Variants in CCDC51 observed in about 807,000 individuals in gnomAD.
The protein encoded by CCDC51 is coiled-coil domain containing 51, also known as mitochondrial potassium channel.
Under a neutral mutation model 24.8 loss-of-function variants are expected in CCDC51, and 25 were observed. The ratio of observed to expected loss-of-function variants is 1.01; its 90% CI spans 0.73 to 1.41. CCDC51 has a LOEUF of 1.41. Ranked by LOEUF, CCDC51 falls within the 40% of genes most tolerant of loss-of-function variation. The pLI, the probability that CCDC51 is intolerant of heterozygous loss-of-function variation, is 0.00. For missense variants in CCDC51, 466 were observed against 519.1 expected, an observed-to-expected ratio of 0.90 and a Z score of 0.99; for synonymous variants, 190 against 204.3, an observed-to-expected ratio of 0.93 and a Z score of 0.60.
In CCDC51 at chr3:48,437,406, GGAT is replaced by G. The variant is rs1265419940; in HGVS notation, c.-8-2273_-8-2271del. Among the ~76,000 whole-genome samples the G allele has an allele frequency of 6.6e-6, 1 of 151,978 alleles. No individual in the cohort carries two copies. The highest frequency in any genetic ancestry group is 1.5e-5 in the Non-Finnish European group (1 of 68,002). On this transcript the variant is annotated intron_variant, in intron 1 of 3. Transcript: ENST00000395694. The surrounding 1 kb of genome is among the most constrained non-coding windows in gnomAD (Gnocchi z 4.2). ...CCTGGGCCCTGTTTCTCAGCCCCCA[GGAT>G]GTCACCACTTAGATGTTTCACAGGC... is the stretch of plus-strand genomic sequence containing the variant.
At chr3:48,443,155 C>T (rs1294142186), upstream of CCDC51, among the ~76,000 whole-genome samples, 2 of 147,424 alleles carry the variant, frequency 1.4e-5, no homozygotes, top group East Asian at 4.1e-4. Context: ...CATGAAGAAT[C>T]ACTTGAACCT....
rs554278094 is a variant in CCDC51, at chr3:48,437,786, C to T, written c.-9+2202G>A. ...GAACTTCCACAAACTCCCACCATAC[C>T]TTCCCAACCATCAGTAACTGCCCCA... On this transcript the variant is annotated intron_variant, in intron 1 of 3. Coordinates refer to ENST00000395694, the MANE Select transcript of CCDC51 (RefSeq NM_001256964.2). The surrounding 1 kb of genome is among the most constrained non-coding windows in gnomAD (Gnocchi z 4.2). 1 of 152,168 alleles carries T rather than the reference C, an allele frequency of 6.6e-6. No homozygotes were observed. The highest frequency in any genetic ancestry group is 6.5e-5 in the Admixed American group (1 of 15,282). The allele number at this position is 152,168 out of a possible 1,614,324, so 9.4% of individuals were successfully genotyped here. A position where few individuals can be genotyped will look rare whatever the true frequency, so the allele number is the denominator to read the frequency against.
the CCDC51 span, among the ~76,000 whole-genome samples, chr3:48,445,849 G>A: frequency 6.6e-6 from 1 of 152,144 alleles, no homozygotes; most frequent in African/African-American, 2.4e-5. Context: ...CTCTATTGCG[G>A]CTAACTTCTG....
chr3:48,445,691 A>G, the CCDC51 span, among the ~76,000 whole-genome samples: 1 of 152,206 alleles, frequency 6.6e-6, no homozygotes, highest in Non-Finnish European at 1.5e-5. Flanking sequence ...CTCCTTAGAC[A>G]TTATAGGCCC....
In CCDC51 at chr3:48,432,315, A is replaced by C; in HGVS notation, c.*93T>G. On this transcript the variant is annotated 3_prime_UTR_variant, in exon 4 of 4. Coordinates refer to ENST00000395694, the MANE Select transcript of CCDC51 (RefSeq NM_001256964.2). Reference sequence around the variant, plus strand: ...CTGCTCCTTCAGATTGAGGTTGTACATGCCCCCAAAGGCTCGCTTCATTGC... The same window carrying C: ...CTGCTCCTTCAGATTGAGGTTGTACCTGCCCCCAAAGGCTCGCTTCATTGC... 6.8e-7 allele frequency: 1 copy of C among 1,471,436 alleles called. No individual in the cohort carries two copies. Among genetic ancestry groups the C allele is most frequent in the Non-Finnish European group, 9.3e-7 (1 of 1,077,010 alleles). 91.1% of individuals were successfully genotyped at this position (1,471,436 alleles called of 1,614,324 possible).
At position 48,434,873 on chromosome 3, in the gene CCDC51, A is replaced by C; in HGVS notation, c.256T>G (p.Tyr86Asp). The C allele has an allele frequency of 1.2e-6, 2 of 1,614,068 alleles. No individual in the cohort carries two copies. Among genetic ancestry groups the C allele is most frequent in the Non-Finnish European group, 1.7e-6 (2 of 1,179,988 alleles). The change falls in exon 2 of 4, where the codon TAT becomes GAT. Residue 86 changes from tyrosine to aspartate, a missense_variant. By Grantham distance (160) the Tyr-to-Asp change is radical. Transcript: ENST00000395694. Reference sequence around the variant, plus strand: ...TCGTTGAGTCCAACAAACTCTTCATATCTGTCCCACCAAGTCTTGGCTGTG... The same window carrying C: ...TCGTTGAGTCCAACAAACTCTTCATCTCTGTCCCACCAAGTCTTGGCTGTG... ...TSTAKTWWDR[Y>D]EEFVGLNEVR...
upstream of CCDC51, chr3:48,440,778 G>A (rs373854554): frequency 3.8e-5 from 27 of 714,992 alleles, no homozygotes; most frequent in East Asian, 2.4e-4. Context: ...GCCAGTCTAG[G>A]ATTTGCAGCG....
At chr3:48,446,625 C>G in the CCDC51 span, 12 of 449,960 alleles carry the variant, frequency 2.7e-5, no homozygotes, top group Non-Finnish European at 3.6e-5. Context: ...GAATCCCGCC[C>G]GTGGACCTCT....
the CCDC51 span, chr3:48,446,550 T>C: frequency 3.7e-6 from 1 of 270,396 alleles, no homozygotes; most frequent in Non-Finnish European, 6.9e-6. Flanking sequence ...GCGGAGCTGG[T>C]GCGCCTCCGG....
At position 48,433,869 on chromosome 3, in the gene CCDC51, A is replaced by G. The variant is rs1268898646; in HGVS notation, c.315T>C (p.Ala105=). 44 of 1,612,786 alleles carry G rather than the reference A, an allele frequency of 2.7e-5. No homozygotes were observed. The highest frequency in any genetic ancestry group is 3.6e-5 in the Non-Finnish European group (42 of 1,179,300). The change falls in exon 3 of 4, where the codon GCT becomes GCC. Residue 105 remains alanine (A), a splice_region_variant and synonymous_variant. Transcript: ENST00000395694. This position sits in a 1 kb window ranked among gnomAD's most constrained non-coding sequence, Gnocchi z 4.4. ...CTCGAGCCACCATGAACACTTTCTC[A>G]GCCTGCAAAGAGAAAACCGGAGGCC... is the stretch of plus-strand genomic sequence containing the variant. The part of the protein sequence containing the change: ...VREAQGKVTE[A]EKVFMVARGL...
chr3:48,440,498 C>T (rs1201742628), upstream of CCDC51: 5 of 1,603,358 alleles, frequency 3.1e-6, no homozygotes, highest in South Asian at 3.3e-5. Context: ...TGCGGGGGCG[C>T]TGGGAGACAG....
rs559213628 is a variant in CCDC51, at chr3:48,432,201, A to C, written c.*207T>G. On this transcript the variant is annotated 3_prime_UTR_variant, in exon 4 of 4. Transcript: ENST00000395694. ...TAAATAATAAAACTCAGGATATTTTAATTGGACATTAGCACAAAGTTTTGA... is the reference window on the plus strand; with the variant it reads ...TAAATAATAAAACTCAGGATATTTTCATTGGACATTAGCACAAAGTTTTGA... 1.7e-6 allele frequency: 1 copy of C among 572,222 alleles called. No homozygotes were observed. 35.4% of individuals were successfully genotyped at this position (572,222 alleles called of 1,614,324 possible). A position where few individuals can be genotyped will look rare whatever the true frequency, so the allele number is the denominator to read the frequency against.
In CCDC51 at chr3:48,434,970, G is replaced by A. The variant is rs1011939669; in HGVS notation, c.159C>T (p.Ala53=). 2 of 1,614,220 alleles carry A rather than the reference G, an allele frequency of 1.2e-6. No homozygotes were observed. Among genetic ancestry groups the A allele is most frequent in the Admixed American group, 3.3e-5 (2 of 60,030 alleles). Reference sequence around the variant, plus strand: ...CTGGGAGGCGGTGGTGCAGCCCCAGGGCCACCTCCTCAGGTCTTTTCTCTC... The same window carrying A: ...CTGGGAGGCGGTGGTGCAGCCCCAGAGCCACCTCCTCAGGTCTTTTCTCTC... ...QPGEKRPEEV[A]LGLHHRLPAL... The change falls in exon 2 of 4, where the codon GCC becomes GCT. Residue 53 remains alanine (A), a synonymous_variant. Transcript: ENST00000395694.
chr3:48,441,847 A>T (rs1171915420), upstream of CCDC51, among the ~76,000 whole-genome samples: 1 of 152,206 alleles, frequency 6.6e-6, no homozygotes, highest in Non-Finnish European at 1.5e-5. Context: ...AGTGTCATCT[A>T]GGGCTTCCCA....
chr3:48,436,887 T>C (rs757918405), intron 1 of CCDC51, among the ~76,000 whole-genome samples: 2 of 152,174 alleles, frequency 1.3e-5, no homozygotes. Context: ...CCCACCCCCA[T>C]GTTCTGCACA....
In CCDC51 at chr3:48,432,765, G is replaced by A; in HGVS notation, c.879C>T (p.Asp293=). 5 of 1,614,140 alleles carry A rather than the reference G, an allele frequency of 3.1e-6. No homozygotes were observed. The highest frequency in any genetic ancestry group is 4.2e-6 in the Non-Finnish European group (5 of 1,180,042). Residue 293 remains aspartate (D), a synonymous_variant, in exon 4 of 4, where the codon GAC becomes GAT. Coordinates refer to ENST00000395694, the MANE Select transcript of CCDC51 (RefSeq NM_001256964.2). The part of the protein sequence containing the change: ...GSQAGSPPTR[D]RDVDVLSAAL... Reference sequence around the variant, plus strand: ...CAGCTGAAAGGACATCTACATCTCTGTCTCTGGTCGGGGGACTACCTGCCT... The same window carrying A: ...CAGCTGAAAGGACATCTACATCTCTATCTCTGGTCGGGGGACTACCTGCCT...
At chr3:48,442,227 T>C (rs149858166), upstream of CCDC51, among the ~76,000 whole-genome samples, 63 of 149,926 alleles carry the variant, frequency 4.2e-4, no homozygotes, top group African/African-American at 1.5e-3. Context: ...CGCCACTGTA[T>C]TCCAGCCTGG....
intron 1 of CCDC51, among the ~76,000 whole-genome samples, chr3:48,436,159 C>T (rs988882253): frequency 3.3e-5 from 5 of 152,120 alleles, no homozygotes; most frequent in African/African-American, 1.2e-4. Flanking sequence ...ACCTCAAAGT[C>T]CCTAAGCACT....
chr3:48,443,143 T>C (rs763655074), upstream of CCDC51, among the ~76,000 whole-genome samples: 2 of 146,246 alleles, frequency 1.4e-5, no homozygotes, highest in Non-Finnish European at 3.0e-5. Context: ...GGAAGGCTCA[T>C]GCATGAAGAA....
Sources: allele counts gnomAD v4.1 joint callset (sites outside exome capture counted in the v4.1 genomes callset), GRCh38; gene constraint gnomAD v4.1.1; non-coding constraint Gnocchi (gnomAD v3.1); transcripts MANE v1.5; gene names NCBI Gene and HGNC (gene_info 2026-07-23, HGNC 2026-07-21).